ZNF365: variants seen among roughly 807,000 people sequenced by gnomAD.
The protein encoded by ZNF365 is protein ZNF365.
Under a neutral mutation model 35.0 loss-of-function variants are expected in ZNF365, and 22 were observed. That is an observed-to-expected ratio of 0.63 (90% CI 0.45 to 0.90). ZNF365 has a LOEUF of 0.90. ZNF365 is among the 40% of genes least tolerant of loss of function. ZNF365 has a pLI of 0.00. For missense variants in ZNF365, 448 were observed against 500.3 expected (o/e 0.90, Z 1.00); for synonymous variants, 188 against 196.2 (o/e 0.96, Z 0.35).
chr10:62,466,870 C>T (rs571336942), intron 4 of ZNF365, among the ~76,000 whole-genome samples: 12 of 152,196 alleles, frequency 7.9e-5, no homozygotes, highest in East Asian at 5.8e-4. Context: ...GGTATGATCA[C>T]GGCTCACTAT....
intron 3 of ZNF365, among the ~76,000 whole-genome samples, chr10:62,436,218 C>A (rs1840405197): frequency 6.6e-6 from 1 of 151,990 alleles, no homozygotes; most frequent in Non-Finnish European, 1.5e-5. Context: ...ACCAGGCAAG[C>A]AAGCAATTTT....
rs564631786 is a variant in ZNF365 at position 62,390,739 on chromosome 10, A to G, written c.924+2163A>G. Among the ~76,000 whole-genome samples, 393 of 152,340 alleles carry G rather than the reference A, an allele frequency of 2.6e-3. 1 individual carries two copies. Among genetic ancestry groups the G allele is most frequent in the Non-Finnish European group, 4.1e-3 (276 of 68,030 alleles). On this transcript the variant is annotated intron_variant, in intron 3 of 4. Coordinates refer to ENST00000395254, the MANE Select transcript of ZNF365 (RefSeq NM_014951.3). ...ACATGGTATAGCCCACCACATGCCT[A>G]GGGTATATGGTATATGGCCTATTAC...
chr10:62,415,786 T>C (rs1242517399), intron 3 of ZNF365, among the ~76,000 whole-genome samples: 1 of 152,166 alleles, frequency 6.6e-6, no homozygotes, highest in Non-Finnish European at 1.5e-5. Context: ...TGCTGGTATT[T>C]AGTTTTAACA....
chr10:62,449,931 T>C (rs1212819150), intron 3 of ZNF365, among the ~76,000 whole-genome samples: 3 of 151,948 alleles, frequency 2.0e-5, no homozygotes, highest in African/African-American at 7.3e-5. Context: ...ATTATTTGGG[T>C]AATTTATGTT....
chr10:62,389,534 G>A (rs59205672), intron 3 of ZNF365, among the ~76,000 whole-genome samples: 1 of 151,936 alleles, frequency 6.6e-6, no homozygotes, highest in South Asian at 2.1e-4. Context: ...AGATTAGCAA[G>A]GTTGCTATTG....
intron 3 of ZNF365, among the ~76,000 whole-genome samples, chr10:62,392,844 C>A (rs756466421): frequency 6.6e-6 from 1 of 152,054 alleles, no homozygotes; most frequent in Non-Finnish European, 1.5e-5. Context: ...ATTGACCAGG[C>A]GGGTCTGGAA....
At chr10:62,398,878 A>G (rs1226871100) in intron 4 of ZNF365, 101 bp downstream of exon 4, 5 of 1,181,512 alleles carry the variant, frequency 4.2e-6, no homozygotes, top group Non-Finnish European at 4.7e-6. Flanking sequence ...TATGATATCT[A>G]TATTATAAAT....
intron 3 of ZNF365, among the ~76,000 whole-genome samples, chr10:62,453,688 T>C (rs1840720140): frequency 6.6e-6 from 1 of 152,214 alleles, no homozygotes. Flanking sequence ...AGTTCTATTT[T>C]TAGTTCTTTG....
At chr10:62,471,359 C>CT (rs1841034443) in intron 4 of ZNF365, among the ~76,000 whole-genome samples, 1 of 129,374 alleles carries the variant, frequency 7.7e-6, no homozygotes, top group Non-Finnish European at 1.6e-5. Flanking sequence ...GAGCAAGACT[C>CT]TGTCTCAAAA....
At chr10:62,474,223 C>G (rs1433253586) in intron 4 of ZNF365, among the ~76,000 whole-genome samples, 1 of 152,186 alleles carries the variant, frequency 6.6e-6, no homozygotes, top group Non-Finnish European at 1.5e-5. Context: ...GGGCCACCTT[C>G]CATGAAAGAT....
At chr10:62,466,423 A>AC in intron 4 of ZNF365, among the ~76,000 whole-genome samples, 1 of 150,142 alleles carries the variant, frequency 6.7e-6, no homozygotes, top group South Asian at 2.1e-4. Flanking sequence ...GCATTCACAC[A>AC]CCCCCTGCCA....
rs79628740 is a variant in ZNF365 at position 62,432,475 on chromosome 10, G to A, written c.925-27266G>A. ...GGGACTTCTGTTTTTCTGTCTTGGAGTCTGATTTCCAGGAAGAATTTCACT... is the reference window on the plus strand; with the variant it reads ...GGGACTTCTGTTTTTCTGTCTTGGAATCTGATTTCCAGGAAGAATTTCACT... On this transcript the variant is annotated intron_variant, in intron 3 of 4. Coordinates refer to the ZNF365 transcript ENST00000395255. Among the ~76,000 whole-genome samples, 111 of 152,286 alleles carry A rather than the reference G, an allele frequency of 7.3e-4. 2 individuals are homozygous for A. In the East Asian group the frequency reaches 0.019, roughly 25 times the overall value.
At chr10:62,388,915 A>G (rs1818808896) in intron 3 of ZNF365, among the ~76,000 whole-genome samples, 1 of 152,222 alleles carries the variant, frequency 6.6e-6, no homozygotes, top group Admixed American at 6.5e-5. Flanking sequence ...CAAGTAGCTC[A>G]GAAGTTATTA....
intron 3 of ZNF365, among the ~76,000 whole-genome samples, chr10:62,449,276 A>G (rs565514618): frequency 6.6e-6 from 1 of 152,206 alleles, no homozygotes; most frequent in East Asian, 1.9e-4. Flanking sequence ...CTCTTTGGTG[A>G]TTTCTATAAA....
At chr10:62,419,293 T>C (rs995957851) in intron 3 of ZNF365, among the ~76,000 whole-genome samples, 1 of 152,074 alleles carries the variant, frequency 6.6e-6, no homozygotes, top group African/African-American at 2.4e-5. Flanking sequence ...GTTACTTAAC[T>C]TCTCTGAGCT....
At chr10:62,442,681 T>A (rs1840520992) in intron 3 of ZNF365, among the ~76,000 whole-genome samples, 1 of 152,226 alleles carries the variant, frequency 6.6e-6, no homozygotes, top group Non-Finnish European at 1.5e-5. Flanking sequence ...GAAATCCTAC[T>A]CCTCCACATA....
chr10:62,453,902 C>T (rs1398301278), intron 3 of ZNF365, among the ~76,000 whole-genome samples: 1 of 152,154 alleles, frequency 6.6e-6, no homozygotes, highest in African/African-American at 2.4e-5. Flanking sequence ...ACCATTGTAG[C>T]CTCACACCCC....
intron 3 of ZNF365, among the ~76,000 whole-genome samples, chr10:62,442,700 T>G (rs1484457363): frequency 6.6e-6 from 1 of 152,230 alleles, no homozygotes. Context: ...TAGGCTATGG[T>G]GGACTCAACT....
At chr10:62,423,000 C>A (rs1288084460) in intron 3 of ZNF365, among the ~76,000 whole-genome samples, 1 of 152,134 alleles carries the variant, frequency 6.6e-6, no homozygotes, top group African/African-American at 2.4e-5. Context: ...ATATTTGGGC[C>A]TCTTTCATGG....
Sources: gnomAD v4.1 joint callset for allele counts (sites outside exome capture counted in the v4.1 genomes callset) on GRCh38, gnomAD v4.1.1 for gene constraint, MANE v1.5 for transcripts, NCBI Gene and HGNC (gene_info 2026-07-23, HGNC 2026-07-21) for gene names.